Variants in NXPE1 observed in about 807,000 individuals in gnomAD.
NXPE1 encodes the protein NXPE family member 1.
A neutral mutation model predicts 33.3 loss-of-function variants in NXPE1; 31 were observed. That is an observed-to-expected ratio of 0.93 (90% CI 0.70 to 1.26). The LOEUF is 1.26. NXPE1 is among the 50% of genes most tolerant of loss of function. The pLI, the probability that NXPE1 is intolerant of heterozygous loss-of-function variation, is 0.00. For synonymous variants in NXPE1, 229 were observed against 231.4 expected (o/e 0.99, Z 0.09); for missense variants, 661 against 655.6 (o/e 1.01, Z -0.09).
intron 5 of NXPE1, 25 bp downstream of exon 5, chr11:114,551,078 T>C: frequency 1.6e-6 from 2 of 1,274,400 alleles, no homozygotes; most frequent in Non-Finnish European, 2.2e-6. Context: ...CTGTGTGATC[T>C]GCATCAAAGG....
intron 5 of NXPE1, among the ~76,000 whole-genome samples, chr11:114,532,646 T>C (rs1262698989): frequency 2.6e-5 from 4 of 152,168 alleles, no homozygotes; most frequent in East Asian, 3.8e-4. Flanking sequence ...GTAAGTATGA[T>C]ACAAGAAAAG....
At chr11:114,533,996 G>GT (rs1374236986) in intron 5 of NXPE1, among the ~76,000 whole-genome samples, 26 of 152,328 alleles carry the variant, frequency 1.7e-4, no homozygotes, top group African/African-American at 6.0e-4. Context: ...CCTCAAGTGG[G>GT]TCCCTGACCC....
At chr11:114,522,449 A>G (rs761268613) in exon 9 of NXPE1, 1 of 1,613,018 alleles carries the variant, frequency 6.2e-7, no homozygotes, top group Admixed American at 1.7e-5. Flanking sequence ...TTCTGCATCC[A>G]GAAGCAAATG....
chr11:114,535,344 A>T (rs895787891), intron 5 of NXPE1, among the ~76,000 whole-genome samples: 1 of 152,174 alleles, frequency 6.6e-6, no homozygotes, highest in Non-Finnish European at 1.5e-5. Flanking sequence ...ATTGTAAAGA[A>T]TATCAAGGCT....
At chr11:114,535,638 C>G (rs113215758) in intron 5 of NXPE1, among the ~76,000 whole-genome samples, 2 of 152,092 alleles carry the variant, frequency 1.3e-5, no homozygotes, top group Non-Finnish European at 2.9e-5. Context: ...CAATCCTAGT[C>G]TCGGATAAAA....
At chr11:114,535,195 A>C (rs938255896) in intron 5 of NXPE1, among the ~76,000 whole-genome samples, 3 of 152,206 alleles carry the variant, frequency 2.0e-5, no homozygotes, top group Non-Finnish European at 4.4e-5. Flanking sequence ...TTCATAAGTG[A>C]AGGAGAAATA....
At chr11:114,533,466 A>G (rs1004008840) in intron 5 of NXPE1, among the ~76,000 whole-genome samples, 4 of 152,212 alleles carry the variant, frequency 2.6e-5, no homozygotes, top group Non-Finnish European at 5.9e-5. Flanking sequence ...CACACCGTGC[A>G]TGAGCTGAAG....
exon 9 of NXPE1, chr11:114,521,888 A>T: frequency 8.9e-7 from 1 of 1,117,686 alleles, no homozygotes; most frequent in African/African-American, 1.6e-5. Flanking sequence ...AGTTCCTAAA[A>T]TGAGTAAAAC....
chr11:114,541,665 A>T (rs1591289038), intron 5 of NXPE1, among the ~76,000 whole-genome samples: 1 of 152,190 alleles, frequency 6.6e-6, no homozygotes, highest in Non-Finnish European at 1.5e-5. Flanking sequence ...GACAATTTGA[A>T]GTGGGGGGGA....
At chr11:114,519,950 G>C (rs187107740), downstream of NXPE1, among the ~76,000 whole-genome samples, 233 of 97,628 alleles carry the variant, frequency 2.4e-3, 8 homozygotes, top group Non-Finnish European at 3.6e-3. Flanking sequence ...GGAGTGCAGT[G>C]GTGCCATCTC....
At chr11:114,543,895 A>G (rs1948186867) in intron 5 of NXPE1, among the ~76,000 whole-genome samples, 1 of 152,238 alleles carries the variant, frequency 6.6e-6, no homozygotes, top group Non-Finnish European at 1.5e-5. Context: ...GTTTCAGGAC[A>G]CAAGTCAATA....
chr11:114,553,617 G>C (rs1032098093), intron 1 of NXPE1: 69 of 638,952 alleles, frequency 1.1e-4, no homozygotes, highest in Non-Finnish European at 1.3e-4. Context: ...TAAGCCATAA[G>C]TAACTGCAAA....
intron 6 of NXPE1, 111 bp from the exon 7 acceptor site, chr11:114,528,012 T>A: frequency 1.5e-6 from 1 of 664,902 alleles, no homozygotes; most frequent in Non-Finnish European, 2.5e-6. Flanking sequence ...AACTGGAAGC[T>A]GTTATTATTG....
intron 1 of NXPE1, among the ~76,000 whole-genome samples, chr11:114,555,766 A>G (rs1308197185): frequency 6.6e-6 from 1 of 152,170 alleles, no homozygotes; most frequent in African/African-American, 2.4e-5. Context: ...TTTCATATAA[A>G]TGGAATAATG....
intron 7 of NXPE1, 60 bp downstream of exon 7, chr11:114,527,780 G>A: frequency 8.6e-7 from 1 of 1,162,138 alleles, no homozygotes; most frequent in Middle Eastern, 2.0e-4. Flanking sequence ...CAATTATTTA[G>A]GTTAATGCTG....
intron 1 of NXPE1, among the ~76,000 whole-genome samples, chr11:114,556,001 A>C (rs1467213844): frequency 6.6e-6 from 1 of 152,154 alleles, no homozygotes; most frequent in African/African-American, 2.4e-5. Context: ...CAAATGTTTT[A>C]ATTTCTTTTT....
intron 5 of NXPE1, among the ~76,000 whole-genome samples, chr11:114,535,192 G>A (rs1411441945): frequency 6.6e-6 from 1 of 152,194 alleles, no homozygotes; most frequent in East Asian, 1.9e-4. Flanking sequence ...AGCTTCATAA[G>A]TGAAGGAGAA....
chr11:114,522,893 G>A lies in NXPE1; in HGVS notation c.1094C>T (p.Pro365Leu), dbSNP rs931299886. ...TAACTACCTACTTTTTACAACTTTG[G>A]GGAAGTAGTAGATCCACTGACGTAG... The change falls in exon 8 of 9, where the codon CCC becomes CTC. Residue 365 changes from proline to leucine, a missense_variant. Transcript: ENST00000534921. 2.5e-6 allele frequency: 4 copies of A among 1,611,284 alleles called. No individual in the cohort carries two copies. In the African/African-American group the frequency reaches 5.3e-5, roughly 22 times the overall value.
intron 5 of NXPE1, among the ~76,000 whole-genome samples, chr11:114,536,601 T>G (rs1257470883): frequency 6.6e-6 from 1 of 151,938 alleles, no homozygotes; most frequent in Non-Finnish European, 1.5e-5. Context: ...AAAGGGGATA[T>G]CACCACCGAT....
Sources: allele counts gnomAD v4.1 joint callset (sites outside exome capture counted in the v4.1 genomes callset), GRCh38; gene constraint gnomAD v4.1.1; transcripts MANE v1.5; gene names NCBI Gene and HGNC (gene_info 2026-07-23, HGNC 2026-07-21).